The following CD226 variants were observed in gnomAD, a reference collection of about 807,000 sequenced individuals.
The protein encoded by CD226 is CD226 antigen.
In CD226, 24 loss-of-function variants were observed where a neutral mutation model predicts 34.9. The observed-to-expected ratio is 0.69, with a 90% CI of 0.50 to 0.97. The LOEUF (loss-of-function observed/expected upper bound fraction) is 0.97. Among genes scored for constraint, CD226 ranks in the 50% least tolerant of loss-of-function variants. CD226 has a pLI of 0.00. For missense variants in CD226, 397 were observed against 412.7 expected, an observed-to-expected ratio of 0.96 and a Z score of 0.33; for synonymous variants, 148 against 147.4, an observed-to-expected ratio of 1.00 and a Z score of -0.03.
intron 4 of CD226, among the ~76,000 whole-genome samples, chr18:69,870,566 T>C (rs1322271050): frequency 6.6e-6 from 1 of 152,150 alleles, no homozygotes; most frequent in Non-Finnish European, 1.5e-5. Flanking sequence ...TGAGCCACCA[T>C]GCCTGGCCAT....
At chr18:69,897,197 T>C (rs1783223853) in intron 2 of CD226, among the ~76,000 whole-genome samples, 1 of 152,166 alleles carries the variant, frequency 6.6e-6, no homozygotes, top group South Asian at 2.1e-4. Flanking sequence ...TAAATTTTGC[T>C]CAATATTGAT....
chr18:69,937,277 A>G (rs2055666226), intron 2 of CD226, among the ~76,000 whole-genome samples: 1 of 152,166 alleles, frequency 6.6e-6, no homozygotes, highest in South Asian at 2.1e-4. Context: ...CTTTTGAACA[A>G]TGAAAATTAT....
In CD226 at chr18:69,861,163, G is replaced by T. The variant is rs1297087271; in HGVS notation, c.*3151C>A. 6.6e-6 allele frequency: 1 copy of T among 150,498 alleles called. No homozygotes were observed. The highest frequency in any genetic ancestry group is 1.9e-4 in the East Asian group (1 of 5,200). 9.3% of individuals were successfully genotyped at this position (150,498 alleles called of 1,614,324 possible). On this transcript the variant is annotated 3_prime_UTR_variant, in exon 6 of 6. Transcript: ENST00000582621. ...CATGTATTTTAAGTTTATATATATA[G>T]TATTTTAGTAATACACTGAATTACT...
At chr18:69,886,074 T>C (rs1351875539) in intron 3 of CD226, among the ~76,000 whole-genome samples, 1 of 152,146 alleles carries the variant, frequency 6.6e-6, no homozygotes, top group African/African-American at 2.4e-5. Flanking sequence ...AGAGTAGTTT[T>C]TCTCTTCCAC....
chr18:69,924,798 T>C (rs1433809252), intron 2 of CD226, among the ~76,000 whole-genome samples: 1 of 149,064 alleles, frequency 6.7e-6, no homozygotes, highest in Non-Finnish European at 1.5e-5. Flanking sequence ...CTATCTCACA[T>C]AGCACTCCAA....
At chr18:69,960,641 G>T (rs540914811), upstream of CD226, among the ~76,000 whole-genome samples, 1 of 152,146 alleles carries the variant, frequency 6.6e-6, no homozygotes, top group Non-Finnish European at 1.5e-5. Flanking sequence ...GTAGAAACAG[G>T]GTTTTGCCTT....
chr18:69,874,828 A>T (rs560306723), intron 3 of CD226, among the ~76,000 whole-genome samples: 1 of 152,224 alleles, frequency 6.6e-6, no homozygotes, highest in African/African-American at 2.4e-5. Context: ...GTCATACAAA[A>T]TTTTTTCTTT....
chr18:69,941,831 AG>A (rs2055728390), intron 2 of CD226, among the ~76,000 whole-genome samples: 1 of 152,146 alleles, frequency 6.6e-6, no homozygotes, highest in Non-Finnish European at 1.5e-5. Flanking sequence ...CAGAGGGGCC[AG>A]GGGCAAAATG....
At chr18:69,921,417 C>G (rs932164947) in intron 2 of CD226, among the ~76,000 whole-genome samples, 1 of 152,174 alleles carries the variant, frequency 6.6e-6, no homozygotes, top group African/African-American at 2.4e-5. Context: ...CCTATCCTAT[C>G]TGCACTCTGG....
chr18:69,876,158 G>C (rs1983851593), intron 3 of CD226, among the ~76,000 whole-genome samples: 1 of 151,904 alleles, frequency 6.6e-6, no homozygotes, highest in Non-Finnish European at 1.5e-5. Flanking sequence ...AAATTTTCTA[G>C]ACGATGTGTT....
At chr18:69,925,401 T>C (rs1255131962) in intron 2 of CD226, among the ~76,000 whole-genome samples, 1 of 152,052 alleles carries the variant, frequency 6.6e-6, no homozygotes, top group Admixed American at 6.5e-5. Context: ...ATAAATCACA[T>C]GTCAAAGGAG....
At chr18:69,919,330 G>A (rs1453782076) in intron 2 of CD226, among the ~76,000 whole-genome samples, 1 of 152,072 alleles carries the variant, frequency 6.6e-6, no homozygotes, top group Non-Finnish European at 1.5e-5. Flanking sequence ...CTGTCAGGGA[G>A]CTTTTTTCAA....
At chr18:69,955,347 G>C (rs2055887173) in intron 1 of CD226, among the ~76,000 whole-genome samples, 1 of 152,226 alleles carries the variant, frequency 6.6e-6, no homozygotes, top group Non-Finnish European at 1.5e-5. Context: ...GTGTGTGATG[G>C]AGAATCTGCT....
chr18:69,889,317 C>T (rs1984745853), intron 3 of CD226, among the ~76,000 whole-genome samples: 1 of 152,070 alleles, frequency 6.6e-6, no homozygotes, highest in South Asian at 2.1e-4. Context: ...ATTTTACTTT[C>T]CATGTAGGTA....
rs1056373253 is a variant in CD226 at position 69,888,945 on chromosome 18, G to T, written c.727+6756C>A. Among the ~76,000 whole-genome samples the T allele has an allele frequency of 2.6e-5, 4 of 151,766 alleles. No homozygotes were observed. The South Asian group carries it at 8.3e-4, about 32-fold the overall frequency. ...TAGTATGTATAAAAAATGACTGCAG[G>T]CAAACATTCTAGGTTTTTGTGTGTT... On this transcript the variant is annotated intron_variant, in intron 3 of 5. Coordinates refer to ENST00000582621, the MANE Select transcript of CD226 (RefSeq NM_001303618.2).
chr18:69,908,107 G>A (rs1013329842), intron 2 of CD226, among the ~76,000 whole-genome samples: 1 of 152,146 alleles, frequency 6.6e-6, no homozygotes, highest in African/African-American at 2.4e-5. Flanking sequence ...CTTACCCACA[G>A]TAATCTCTCA....
intron 1 of CD226, among the ~76,000 whole-genome samples, chr18:69,955,669 G>A (rs1311858458): frequency 6.6e-6 from 1 of 151,946 alleles, no homozygotes; most frequent in African/African-American, 2.4e-5. Context: ...CGAGACCATC[G>A]TGGCTAACAC....
chr18:69,876,481 C>G (rs1382568317), intron 3 of CD226, among the ~76,000 whole-genome samples: 1 of 152,174 alleles, frequency 6.6e-6, no homozygotes, highest in Non-Finnish European at 1.5e-5. Context: ...CCTCTTGGAT[C>G]AGATCCATTT....
chr18:69,958,966 T>G (rs2055917016), upstream of CD226, among the ~76,000 whole-genome samples: 1 of 152,196 alleles, frequency 6.6e-6, no homozygotes, highest in Non-Finnish European at 1.5e-5. Context: ...CCTCTCTGGT[T>G]TATTTAGCTT....
Sources: allele counts gnomAD v4.1 joint callset (sites outside exome capture counted in the v4.1 genomes callset), GRCh38; gene constraint gnomAD v4.1.1; transcripts MANE v1.5; gene names NCBI Gene and HGNC (gene_info 2026-07-23, HGNC 2026-07-21).